The following KIAA1755 variants were observed in gnomAD, a reference collection of about 807,000 sequenced individuals.
The protein encoded by KIAA1755 is uncharacterized protein KIAA1755.
Under a neutral mutation model 91.7 loss-of-function variants are expected in KIAA1755, and 68 were observed. The ratio of observed to expected loss-of-function variants is 0.74; its 90% CI spans 0.61 to 0.91. The LOEUF (loss-of-function observed/expected upper bound fraction) is 0.91. KIAA1755 is among the 40% of genes least tolerant of loss of function. The pLI is 0.00. For missense variants in KIAA1755, 1,535 were observed against 1,494.4 expected (o/e 1.03, Z -0.45); for synonymous variants, 610 against 604.6 (o/e 1.01, Z -0.13).
Position 38,213,747 on chromosome 20 carries a change from G to C in KIAA1755, c.2902-4C>G, listed in dbSNP as rs755105115. ...AGTCCATGTGGAACCAGGTCATCTG[G>C]GGGACAAGAAGAGAGGGAGGTGGGG... On this transcript the variant is annotated splice_region_variant and splice_polypyrimidine_tract_variant and intron_variant, in intron 13 of 13. Coordinates refer to ENST00000279024, the MANE Select transcript of KIAA1755 (RefSeq NM_001029864.2). 10 of 1,457,778 alleles carry C rather than the reference G, an allele frequency of 6.9e-6. No individual in the cohort carries two copies. Among genetic ancestry groups the C allele is most frequent in the South Asian group, 5.7e-5 (4 of 69,826 alleles). The allele number at this position is 1,457,778 out of a possible 1,614,324, so 90.3% of individuals were successfully genotyped here.
chr20:38,218,614 A>G (rs1360809007), intron 11 of KIAA1755, among the ~76,000 whole-genome samples: 1 of 152,256 alleles, frequency 6.6e-6, no homozygotes, highest in Non-Finnish European at 1.5e-5. Flanking sequence ...CAACGCCCTC[A>G]GTGCACAGTT....
At position 38,241,496 on chromosome 20, in the gene KIAA1755, C is replaced by A; in HGVS notation, c.635G>T (p.Ser212Ile). 3 of 1,614,230 alleles carry A rather than the reference C, an allele frequency of 1.9e-6. No individual in the cohort carries two copies. The highest frequency in any genetic ancestry group is 2.5e-6 in the Non-Finnish European group (3 of 1,180,038). ...GPLPLEALDL[S>I]SPQELHQASS... The stretch of plus-strand genomic sequence containing the variant: ...GGCCTGGTGCAACTCTTGAGGGCTG[C>A]TCAAATCCAGTGCCTCTAATGGAAG... Residue 212 changes from serine (S) to isoleucine (I), a missense_variant, in exon 3 of 14, where the codon AGC (serine) becomes ATC (isoleucine). Coordinates refer to ENST00000279024, the MANE Select transcript of KIAA1755 (RefSeq NM_001029864.2).
In KIAA1755 at chr20:38,222,506, G is replaced by T; in HGVS notation, c.2360C>A (p.Ala787Asp). Residue 787 changes from alanine (A) to aspartate (D), a missense_variant, in exon 10 of 14, where the codon GCC (alanine) becomes GAC (aspartate). Transcript: ENST00000279024. The part of the protein sequence containing the change: ...GLLGLQREGG[A>D]TLARLQHDAS... The stretch of plus-strand genomic sequence containing the variant: ...ATCATGCTGCAGCCTGGCCAGGGTG[G>T]CTCCACCTTCCCGCTGGAGGCCCAG... The T allele has an allele frequency of 6.2e-7, 1 of 1,613,740 alleles. No homozygotes were observed. Among genetic ancestry groups the T allele is most frequent in the Non-Finnish European group, 8.5e-7 (1 of 1,179,980 alleles).
intron 7 of KIAA1755, 67 bp downstream of exon 7, chr20:38,227,087 C>T (rs971522695): frequency 1.6e-6 from 2 of 1,235,360 alleles, no homozygotes; most frequent in African/African-American, 3.0e-5. Context: ...TCTCCCTCTC[C>T]TTAACCCCAG....
chr20:38,251,113 A>G (rs988705141), intron 1 of KIAA1755, among the ~76,000 whole-genome samples: 2 of 152,104 alleles, frequency 1.3e-5, no homozygotes, highest in African/African-American at 4.8e-5. Context: ...TTCTGTGAAA[A>G]TAAACTACTT....
intron 13 of KIAA1755, among the ~76,000 whole-genome samples, chr20:38,215,381 TG>T (rs1237695186): frequency 6.6e-6 from 1 of 152,184 alleles, no homozygotes; most frequent in Non-Finnish European, 1.5e-5. Flanking sequence ...TGAGACCTTG[TG>T]GGCCGAGCCC....
At chr20:38,216,101 T>C (rs375610997) in intron 13 of KIAA1755, among the ~76,000 whole-genome samples, 24 of 152,274 alleles carry the variant, frequency 1.6e-4, no homozygotes, top group African/African-American at 5.5e-4. Context: ...GGGCCTGGCT[T>C]GTCATAAGAA....
rs115873410 is a variant in KIAA1755 at position 38,239,551 on chromosome 20, C to T, written c.1724G>A (p.Arg575His). 1.7e-4 allele frequency: 272 copies of T among 1,613,734 alleles called. No individual in the cohort carries two copies. The African/African-American group carries it at 3.2e-3, about 19-fold the overall frequency. ...RIGALGVKVF[R>H]SRIACLPGGR... ...ACCTGGCAGGCATGCTATCCTGGAG[C>T]GGAAAACCTTGACACCTAGAGCCCC... The change falls in exon 4 of 14, where the codon CGC (arginine) becomes CAC (histidine). Residue 575 changes from arginine (R) to histidine (H), a missense_variant. By Grantham distance (29) the Arg-to-His change is conservative. Transcript: ENST00000279024.
Position 38,240,671 on chromosome 20 carries a change from T to C in KIAA1755, c.1460A>G (p.Glu487Gly). 6.5e-7 allele frequency: 1 copy of C among 1,546,204 alleles called. No individual in the cohort carries two copies. The highest frequency in any genetic ancestry group is 8.7e-7 in the Non-Finnish European group (1 of 1,147,850). The change falls in exon 3 of 14, where the codon GAG (glutamate) becomes GGG (glycine). Residue 487 changes from glutamate (E) to glycine (G), a missense_variant. Physicochemically the swap from Glu to Gly is moderately conservative, Grantham distance 98. Coordinates refer to ENST00000279024, the MANE Select transcript of KIAA1755 (RefSeq NM_001029864.2). ...RGQRQPSVTPEKASLQHNGPW... is the reference protein window; with the variant it reads ...RGQRQPSVTPGKASLQHNGPW... ...CCCATTGTGCTGGAGTGAGGCTTTC[T>C]CCGGGGTCACAGAGGGTTGCCTCTG...
chr20:38,231,812 C>T (rs912063682), intron 4 of KIAA1755, among the ~76,000 whole-genome samples: 5 of 152,194 alleles, frequency 3.3e-5, no homozygotes, highest in Non-Finnish European at 7.3e-5. Flanking sequence ...GTTGCTCAAT[C>T]GTTGGTCGTT....
In KIAA1755 at chr20:38,212,142, TG is replaced by T. The variant is rs1284723799; in HGVS notation, c.*899del. Reference sequence around the variant, plus strand: ...GCCTGGGCAACATAGCAAGACCCCATGTCTACAAAAAATAAATAAATAATAA... The same window carrying T: ...GCCTGGGCAACATAGCAAGACCCCATTCTACAAAAAATAAATAAATAATAA... On this transcript the variant is annotated 3_prime_UTR_variant, in exon 14 of 14. Transcript: ENST00000279024. 2 of 152,180 alleles carry T rather than the reference TG, an allele frequency of 1.3e-5. No individual in the cohort carries two copies. Among genetic ancestry groups the T allele is most frequent in the South Asian group, 4.2e-4 (2 of 4,806 alleles). 9.4% of individuals were successfully genotyped at this position (152,180 alleles called of 1,614,324 possible).
chr20:38,216,499 G>A (rs1425842231), intron 13 of KIAA1755, among the ~76,000 whole-genome samples: 2 of 152,226 alleles, frequency 1.3e-5, no homozygotes, highest in Non-Finnish European at 2.9e-5. Context: ...AAGTGCAAGG[G>A]GCAGCCAAGG....
chr20:38,237,327 C>T (rs2075975889), intron 4 of KIAA1755, among the ~76,000 whole-genome samples: 2 of 151,798 alleles, frequency 1.3e-5, no homozygotes, highest in Admixed American at 6.6e-5. Flanking sequence ...ATTGGGACCC[C>T]CAGAGGTCAG....
chr20:38,217,318 T>A lies in KIAA1755; in HGVS notation c.2836A>T (p.Met946Leu), dbSNP rs758748018. 6.2e-7 allele frequency: 1 copy of A among 1,611,562 alleles called. No individual in the cohort carries two copies. The highest frequency in any genetic ancestry group is 1.1e-5 in the South Asian group (1 of 90,302). The change falls in exon 13 of 14, where the codon ATG (methionine) becomes TTG (leucine). Residue 946 changes from methionine (M) to leucine (L), a missense_variant. Physicochemically the swap from Met to Leu is conservative, Grantham distance 15. Coordinates refer to ENST00000279024, the MANE Select transcript of KIAA1755 (RefSeq NM_001029864.2). ...TCCGTGCGTTGCCGCTCGGCCGCCA[T>A]GTAAAAGTGGGTCAGCTCAGCCTGG... ...AFQAELTHFY[M>L]AAERQRTDLE...
chr20:38,219,726 G>T lies in KIAA1755; in HGVS notation c.2460C>A (p.Asp820Glu). 6.2e-7 allele frequency: 1 copy of T among 1,614,152 alleles called. No individual in the cohort carries two copies. Among genetic ancestry groups the T allele is most frequent in the Non-Finnish European group, 8.5e-7 (1 of 1,180,040 alleles). ...CGGTGACCAGAACATGAAGCTGCTCGTCCACAAGGCTGTACAAGGCAGTGG... is the reference window on the plus strand; with the variant it reads ...CGGTGACCAGAACATGAAGCTGCTCTTCCACAAGGCTGTACAAGGCAGTGG... ...AAATALYSLVDEQLHVLVTAS... is the reference protein window; with the variant it reads ...AAATALYSLVEEQLHVLVTAS... The change falls in exon 11 of 14, where the codon GAC (aspartate) becomes GAA (glutamate). Residue 820 changes from aspartate to glutamate, a missense_variant. Transcript: ENST00000279024.
At chr20:38,229,051 C>T (rs565228559) in intron 5 of KIAA1755, among the ~76,000 whole-genome samples, 9 of 152,286 alleles carry the variant, frequency 5.9e-5, no homozygotes, top group African/African-American at 1.9e-4. Context: ...TACAGGGTGG[C>T]CAGGGAATCT....
intron 4 of KIAA1755, among the ~76,000 whole-genome samples, chr20:38,232,364 C>T (rs930247956): frequency 6.6e-5 from 10 of 152,102 alleles, no homozygotes; most frequent in African/African-American, 2.2e-4. Flanking sequence ...CGGTGGCTCA[C>T]GCCTGTAATC....
At position 38,223,591 on chromosome 20, in the gene KIAA1755, G is replaced by A. The variant is rs2075701211; in HGVS notation, c.2215C>T (p.Leu739=). The A allele has an allele frequency of 6.2e-7, 1 of 1,602,910 alleles. No homozygotes were observed. The highest frequency in any genetic ancestry group is 2.3e-5 in the East Asian group (1 of 43,688). Residue 739 remains leucine (L), a synonymous_variant, in exon 9 of 14, where the codon CTA becomes TTA. Coordinates refer to ENST00000279024, the MANE Select transcript of KIAA1755 (RefSeq NM_001029864.2). ...LADLHQASSL[L]QASIEEFEKA... is the part of the protein sequence containing the mutation. Reference sequence around the variant, plus strand: ...TCGAATTCCTCGATGGAAGCTTGTAGCAGGGAAGAGGCCTGGTGGAGGTCA... The same window carrying A: ...TCGAATTCCTCGATGGAAGCTTGTAACAGGGAAGAGGCCTGGTGGAGGTCA...
chr20:38,230,160 A>C (rs1420427325), intron 5 of KIAA1755, among the ~76,000 whole-genome samples: 1 of 152,160 alleles, frequency 6.6e-6, no homozygotes, highest in Admixed American at 6.5e-5. Context: ...CAGTCCATTA[A>C]GTCTGAATGG....
Sources: allele counts gnomAD v4.1 joint callset (sites outside exome capture counted in the v4.1 genomes callset), GRCh38; gene constraint gnomAD v4.1.1; transcripts MANE v1.5; gene names NCBI Gene and HGNC (gene_info 2026-07-23, HGNC 2026-07-21).